The following USP13 variants were observed in gnomAD, a reference collection of about 807,000 sequenced individuals.
USP13 encodes ubiquitin specific peptidase 13.
Under a neutral mutation model 107.8 loss-of-function variants are expected in USP13, and 68 were observed. The observed-to-expected ratio is 0.63, with a 90% CI of 0.52 to 0.77. USP13 has a LOEUF of 0.77. Ranked by LOEUF, USP13 falls within the 30% of genes least tolerant of loss-of-function variation. USP13 has a pLI of 0.00. For missense variants in USP13, 945 were observed against 1,093.3 expected (o/e 0.86, Z 1.91); for synonymous variants, 377 against 389.5 (o/e 0.97, Z 0.38).
intron 17 of USP13, 81 bp from the exon 18 acceptor site, chr3:179,763,921 T>C (rs1715086431): frequency 6.9e-7 from 1 of 1,452,664 alleles, no homozygotes; most frequent in Non-Finnish European, 9.1e-7. Context: ...TGTAGAATCA[T>C]GTTTTTCCTT....
intron 15 of USP13, among the ~76,000 whole-genome samples, chr3:179,755,299 A>AT (rs536921840): frequency 9.3e-4 from 135 of 145,308 alleles, no homozygotes; most frequent in Middle Eastern, 3.6e-3. Context: ...AACACATAAC[A>AT]TTTTTTTTTT....
At chr3:179,778,167 A>G (rs1323155088) in intron 19 of USP13, among the ~76,000 whole-genome samples, 3 of 152,076 alleles carry the variant, frequency 2.0e-5, no homozygotes, top group African/African-American at 4.8e-5. Flanking sequence ...TCTCGGATTC[A>G]TTTCTGATTA....
At chr3:179,729,480 A>T (rs1022829484) in intron 8 of USP13, among the ~76,000 whole-genome samples, 3 of 151,018 alleles carry the variant, frequency 2.0e-5, no homozygotes, top group East Asian at 1.9e-4. Context: ...TTATTTATTT[A>T]TTTTTTTTTG....
chr3:179,678,886 T>C lies in USP13; in HGVS notation c.169-2992T>C, dbSNP rs1711554556. Among the ~76,000 whole-genome samples the C allele has an allele frequency of 6.6e-6, 1 of 152,238 alleles. No homozygotes were observed. Among genetic ancestry groups the C allele is most frequent in the East Asian group, 1.9e-4 (1 of 5,208 alleles). ...TTACTAGTTGTTATTTTCACTAGTG[T>C]GTGTAGATTCCTTAGAATTTTCAAT... On this transcript the variant is annotated intron_variant, in intron 1 of 20. Transcript: ENST00000263966. This position sits in a 1 kb window ranked among gnomAD's most constrained non-coding sequence, Gnocchi z 4.2.
At chr3:179,673,717 G>A (rs747320318) in intron 1 of USP13, among the ~76,000 whole-genome samples, 1 of 152,172 alleles carries the variant, frequency 6.6e-6, no homozygotes, top group South Asian at 2.1e-4. Context: ...TGCTGTGAAG[G>A]CTGCAGGCCT....
Position 179,781,739 on chromosome 3 carries a change from C to G in USP13, c.2414C>G (p.Thr805Arg). 6.2e-7 allele frequency: 1 copy of G among 1,613,626 alleles called. No homozygotes were observed. Among genetic ancestry groups the G allele is most frequent in the Non-Finnish European group, 8.5e-7 (1 of 1,179,704 alleles). The change falls in exon 20 of 21, where the codon ACA becomes AGA. Residue 805 changes from threonine to arginine, a missense_variant and splice_region_variant. Thr to Arg is a moderately conservative substitution (Grantham distance 71). Coordinates refer to ENST00000263966, the MANE Select transcript of USP13 (RefSeq NM_003940.3). ...EGPRVKDGSGTYELFAFISHM... is the reference protein window; with the variant it reads ...EGPRVKDGSGRYELFAFISHM... ...AACTGAGTTGTTTCCTCTTTCACAG[C>G]ATATGAGCTATTTGCATTCATCAGT...
intron 16 of USP13, among the ~76,000 whole-genome samples, chr3:179,757,627 C>T (rs890278046): frequency 5.3e-5 from 8 of 151,958 alleles, no homozygotes; most frequent in African/African-American, 1.2e-4. Context: ...AAAAAATAAA[C>T]GATAGACAAT....
chr3:179,673,017 G>A (rs987285262), intron 1 of USP13, among the ~76,000 whole-genome samples: 1 of 152,228 alleles, frequency 6.6e-6, no homozygotes, highest in Non-Finnish European at 1.5e-5. Flanking sequence ...GAAGAACCAT[G>A]TGAGACTGGC....
intron 10 of USP13, among the ~76,000 whole-genome samples, chr3:179,738,123 G>T (rs1714058269): frequency 6.6e-6 from 1 of 152,192 alleles, no homozygotes; most frequent in Non-Finnish European, 1.5e-5. Flanking sequence ...TCGAGGAGGT[G>T]TAAGACATGG....
At chr3:179,723,134 C>T (rs905163187) in intron 8 of USP13, among the ~76,000 whole-genome samples, 6 of 152,156 alleles carry the variant, frequency 3.9e-5, no homozygotes, top group African/African-American at 1.4e-4. Flanking sequence ...CAGGAATAGT[C>T]CAGGTCATGT....
At chr3:179,687,050 A>G (rs184897338) in intron 2 of USP13, among the ~76,000 whole-genome samples, 17 of 152,252 alleles carry the variant, frequency 1.1e-4, no homozygotes, top group South Asian at 6.2e-4. Flanking sequence ...TTTTTGTTTA[A>G]CCACTTTCTC....
chr3:179,660,105 A>G (rs58572864), intron 1 of USP13, among the ~76,000 whole-genome samples: 2,493 of 152,280 alleles, frequency 0.016, 62 homozygotes, highest in African/African-American at 0.056. Context: ...GCATTAAATT[A>G]CATTCGCATG....
intron 2 of USP13, among the ~76,000 whole-genome samples, chr3:179,688,103 A>ATCCATCCATCCATCCATCCG: frequency 6.7e-6 from 1 of 148,198 alleles, no homozygotes; most frequent in Non-Finnish European, 1.5e-5. Context: ...CCATCCGTCC[A>ATCCATCCATCCATCCATCCG]TCCATCCATC....
intron 1 of USP13, among the ~76,000 whole-genome samples, chr3:179,666,697 C>T (rs1248610771): frequency 1.3e-5 from 2 of 152,188 alleles, no homozygotes; most frequent in Admixed American, 1.3e-4. Context: ...TTGAGTGGGG[C>T]TGCTGTCCTT....
Position 179,653,204 on chromosome 3 carries a change from G to C in USP13, c.-22G>C, listed in dbSNP as rs1287661136. On this transcript the variant is annotated 5_prime_UTR_variant, in exon 1 of 21. Transcript: ENST00000263966. The surrounding 1 kb of genome is among the most constrained non-coding windows in gnomAD (Gnocchi z 4.0). The stretch of plus-strand genomic sequence containing the variant: ...GCTCCGGCTCCGGCTCGGCTCGCTC[G>C]GCTCCGGTGCGCGCCGAGGCCATGC... 6 of 1,384,766 alleles carry C rather than the reference G, an allele frequency of 4.3e-6. No homozygotes were observed. The highest frequency in any genetic ancestry group is 3.1e-5 in the East Asian group (1 of 32,144). The allele number at this position is 1,384,766 out of a possible 1,614,324, so 85.8% of individuals were successfully genotyped here.
chr3:179,710,662 A>G (rs1712890631), intron 6 of USP13, among the ~76,000 whole-genome samples: 1 of 152,222 alleles, frequency 6.6e-6, no homozygotes, highest in Admixed American at 6.5e-5. Flanking sequence ...GGATGGTGAT[A>G]TGTTCCGAGA....
Position 179,763,989 on chromosome 3 carries a change from T to C in USP13, c.2093-13T>C. The C allele has an allele frequency of 1.3e-6, 2 of 1,586,912 alleles. No homozygotes were observed. Among genetic ancestry groups the C allele is most frequent in the Non-Finnish European group, 1.7e-6 (2 of 1,171,992 alleles). ...AAAAAAGGAAAAGACTTGGGTGTGG[T>C]TATTTTTCTCAGATTTTGCTGAGCC... On this transcript the variant is annotated splice_polypyrimidine_tract_variant and intron_variant, in intron 17 of 20. Coordinates refer to ENST00000263966, the MANE Select transcript of USP13 (RefSeq NM_003940.3).
chr3:179,776,140 A>G (rs932980511), intron 19 of USP13, among the ~76,000 whole-genome samples: 9 of 152,202 alleles, frequency 5.9e-5, no homozygotes. Context: ...AGTGAGATGA[A>G]CTAAGTTCAT....
intron 8 of USP13, among the ~76,000 whole-genome samples, chr3:179,725,919 C>T (rs1713496457): frequency 6.6e-6 from 1 of 152,194 alleles, no homozygotes; most frequent in African/African-American, 2.4e-5. Context: ...GATGGAAAGA[C>T]CTCCTCCATG....
Sources: allele counts gnomAD v4.1 joint callset (sites outside exome capture counted in the v4.1 genomes callset), GRCh38; gene constraint gnomAD v4.1.1; non-coding constraint Gnocchi (gnomAD v3.1); transcripts MANE v1.5; gene names NCBI Gene and HGNC (gene_info 2026-07-23, HGNC 2026-07-21).